Variants in EYA4 observed in about 807,000 individuals in gnomAD.
The protein encoded by EYA4 is protein phosphatase EYA4.
Under a neutral mutation model 87.9 loss-of-function variants are expected in EYA4, and 31 were observed. The ratio of observed to expected loss-of-function variants is 0.35; its 90% CI spans 0.27 to 0.48. The LOEUF is 0.48. Ranked by LOEUF, EYA4 falls within the 20% of genes least tolerant of loss-of-function variation. The pLI, the probability that EYA4 is intolerant of heterozygous loss-of-function variation, is 0.99. For missense variants in EYA4, 678 were observed against 761.4 expected (o/e 0.89, Z 1.29); for synonymous variants, 263 against 270.6 (o/e 0.97, Z 0.28).
At chr6:133,451,001 G>A (rs114449235) in intron 5 of EYA4, among the ~76,000 whole-genome samples, 1,660 of 152,290 alleles carry the variant, frequency 0.011, 28 homozygotes, top group African/African-American at 0.036. Flanking sequence ...GTTAGCACTT[G>A]TAAAATTATT....
chr6:133,491,039 A>G (rs1342295532), intron 13 of EYA4, among the ~76,000 whole-genome samples: 1 of 152,224 alleles, frequency 6.6e-6, no homozygotes, highest in Non-Finnish European at 1.5e-5. Context: ...AAAATTAGAA[A>G]TCAATAATGA....
At chr6:133,384,836 A>G (rs1344334577) in intron 3 of EYA4, among the ~76,000 whole-genome samples, 1 of 152,228 alleles carries the variant, frequency 6.6e-6, no homozygotes, top group African/African-American at 2.4e-5. Context: ...AAAAGGATAC[A>G]AGAATTTACT....
chr6:133,334,012 C>T (rs1390426333), intron 2 of EYA4, among the ~76,000 whole-genome samples: 14 of 152,076 alleles, frequency 9.2e-5, no homozygotes, highest in African/African-American at 3.4e-4. Flanking sequence ...TTCCACTGCT[C>T]TCAGCTATGT....
At chr6:133,513,620 C>A in intron 16 of EYA4, among the ~76,000 whole-genome samples, 1 of 151,910 alleles carries the variant, frequency 6.6e-6, no homozygotes, top group East Asian at 1.9e-4. Flanking sequence ...ATATCAAAAC[C>A]ATTTTATACC....
At chr6:133,513,939 T>C (rs543637253) in intron 16 of EYA4, among the ~76,000 whole-genome samples, 5 of 152,270 alleles carry the variant, frequency 3.3e-5, no homozygotes, top group African/African-American at 1.2e-4. Flanking sequence ...TACAATATAG[T>C]AAATAAAATG....
chr6:133,300,616 G>A (rs1436704223), intron 2 of EYA4, among the ~76,000 whole-genome samples: 1 of 152,112 alleles, frequency 6.6e-6, no homozygotes, highest in African/African-American at 2.4e-5. Context: ...CTGGGTTCAA[G>A]CAACTCCCCT....
intron 2 of EYA4, among the ~76,000 whole-genome samples, chr6:133,377,504 G>A (rs1286408096): frequency 2.0e-5 from 3 of 150,090 alleles, no homozygotes; most frequent in Non-Finnish European, 3.0e-5. Flanking sequence ...CTTGCTGAAT[G>A]AGCAAATCTT....
intron 14 of EYA4, among the ~76,000 whole-genome samples, chr6:133,507,514 A>G (rs929569543): frequency 2.6e-5 from 4 of 152,022 alleles, no homozygotes; most frequent in Non-Finnish European, 5.9e-5. Context: ...TCCTAATGTT[A>G]TCCCTCTCCT....
intron 2 of EYA4, among the ~76,000 whole-genome samples, chr6:133,278,591 T>C (rs2128277619): frequency 6.6e-6 from 1 of 152,302 alleles, no homozygotes; most frequent in South Asian, 2.1e-4. Flanking sequence ...GCCAAAATGT[T>C]ATTCTCAGAG....
intron 1 of EYA4, among the ~76,000 whole-genome samples, chr6:133,270,949 A>C (rs1776638581): frequency 6.6e-6 from 1 of 152,180 alleles, no homozygotes; most frequent in African/African-American, 2.4e-5. Context: ...GTTAACATCC[A>C]GTTTAATGGA....
At chr6:133,348,637 G>T (rs1423059150) in intron 2 of EYA4, among the ~76,000 whole-genome samples, 1 of 151,988 alleles carries the variant, frequency 6.6e-6, no homozygotes, top group African/African-American at 2.4e-5. Flanking sequence ...ATTTTTTATA[G>T]GGAAGATTCA....
intron 13 of EYA4, among the ~76,000 whole-genome samples, chr6:133,485,660 G>T (rs543584281): frequency 6.6e-6 from 1 of 152,172 alleles, no homozygotes; most frequent in Non-Finnish European, 1.5e-5. Context: ...TACTGCATAG[G>T]CAGTTGGGTG....
chr6:133,488,423 G>T (rs928129160), intron 13 of EYA4, among the ~76,000 whole-genome samples: 4 of 152,096 alleles, frequency 2.6e-5, no homozygotes, highest in African/African-American at 9.7e-5. Flanking sequence ...GCCAGGCAGT[G>T]GTTACCACAG....
At chr6:133,474,342 T>C (rs572188416) in intron 11 of EYA4, among the ~76,000 whole-genome samples, 3 of 152,202 alleles carry the variant, frequency 2.0e-5, no homozygotes, top group Non-Finnish European at 4.4e-5. Flanking sequence ...CTTTCCTTAT[T>C]AGAATAATCA....
intron 14 of EYA4, 125 bp from the exon 15 acceptor site, chr6:133,512,596 A>C (rs1799252665): frequency 1.3e-6 from 1 of 786,788 alleles, no homozygotes; most frequent in African/African-American, 1.7e-5. Flanking sequence ...TGAGGCAATG[A>C]GATGGACGGG....
intron 2 of EYA4, among the ~76,000 whole-genome samples, chr6:133,381,614 T>C (rs1362592692): frequency 6.6e-6 from 1 of 152,134 alleles, no homozygotes; most frequent in East Asian, 1.9e-4. Flanking sequence ...AAATGTATAT[T>C]GTACATTTTT....
At chr6:133,492,586 G>GTACT in intron 13 of EYA4, among the ~76,000 whole-genome samples, 1 of 152,296 alleles carries the variant, frequency 6.6e-6, no homozygotes, top group East Asian at 1.9e-4. Flanking sequence ...ATTCAGCATA[G>GTACT]TACTGGAAGT....
intron 1 of EYA4, among the ~76,000 whole-genome samples, chr6:133,251,537 C>A (rs1475224931): frequency 1.3e-5 from 2 of 152,090 alleles, no homozygotes; most frequent in Non-Finnish European, 2.9e-5. Flanking sequence ...GAACTGCTAC[C>A]AGGTGTATCT....
In EYA4 at chr6:133,299,943, CTATCTATCTATCTATA is replaced by C. The variant is rs1297505366; in HGVS notation, c.33+25134_33+25149del. ...TAAAGATCTCTATCTATCTATCTAT[CTATCTATCTATCTATA>C]TATATATATATCTTTTGACTACCCC... On this transcript the variant is annotated intron_variant, in intron 2 of 19. Transcript: ENST00000355286. 4.6e-3 allele frequency among the ~76,000 whole-genome samples: 625 copies of C among 135,884 alleles called. 11 individuals are homozygous for C. Among genetic ancestry groups the C allele is most frequent in the African/African-American group, 0.017 (583 of 34,690 alleles). 89.1% of individuals were successfully genotyped at this position (135,884 alleles called of 152,430 possible).
Sources: gnomAD v4.1 joint callset for allele counts (sites outside exome capture counted in the v4.1 genomes callset) on GRCh38, gnomAD v4.1.1 for gene constraint, MANE v1.5 for transcripts, NCBI Gene and HGNC (gene_info 2026-07-23, HGNC 2026-07-21) for gene names.